ZNF37A: variants seen among roughly 807,000 people sequenced by gnomAD.
ZNF37A encodes zinc finger protein 37a (KOX 21).
Under a neutral mutation model 12.3 loss-of-function variants are expected in ZNF37A, and 10 were observed. That is an observed-to-expected ratio of 0.82 (90% CI 0.50 to 1.38). The LOEUF (loss-of-function observed/expected upper bound fraction) is 1.38. Ranked by LOEUF, ZNF37A falls within the 40% of genes most tolerant of loss-of-function variation. ZNF37A has a pLI of 0.00. For missense variants in ZNF37A, 580 were observed against 651.2 expected (o/e 0.89, Z 1.19); for synonymous variants, 207 against 223.0 (o/e 0.93, Z 0.64).
intron 5 of ZNF37A, among the ~76,000 whole-genome samples, chr10:38,106,444 A>G (rs761403740): frequency 6.6e-6 from 1 of 152,080 alleles, no homozygotes; most frequent in Non-Finnish European, 1.5e-5. Context: ...TTCTCCTCCA[A>G]CACACTCCTC....
downstream of ZNF37A, among the ~76,000 whole-genome samples, chr10:38,125,876 A>T (rs188187940): frequency 2.8e-4 from 43 of 152,258 alleles, no homozygotes; most frequent in Non-Finnish European, 4.4e-4. Flanking sequence ...TGTTGCTGGG[A>T]TCTACTTGGC....
Position 38,115,222 on chromosome 10 carries a change from TTCTC to T in ZNF37A, c.171_174del (p.Leu58SerfsTer11). ...TATTGCATTCCTAAACCAGAAGTGATTCTCAAGTTGGAGAAAGGCGAGGAGCCAT... is the reference window on the plus strand; with the variant it reads ...TATTGCATTCCTAAACCAGAAGTGATAAGTTGGAGAAAGGCGAGGAGCCAT... On this transcript the variant is annotated frameshift_variant, in exon 7 of 8. Transcript: ENST00000685332. LOFTEE classifies it high-confidence loss of function. 1 of 1,613,778 alleles carries T rather than the reference TTCTC, an allele frequency of 6.2e-7. No homozygotes were observed. Among genetic ancestry groups the T allele is most frequent in the Non-Finnish European group, 8.5e-7 (1 of 1,179,958 alleles).
chr10:38,118,430 A>G lies in ZNF37A; in HGVS notation c.1279A>G (p.Thr427Ala). Reference sequence around the variant, plus strand: ...GTCATTCTCTGAGAAGTCAACCCTTACTAAACATCTAAGAACTCACACAGG... The same window carrying G: ...GTCATTCTCTGAGAAGTCAACCCTTGCTAAACATCTAAGAACTCACACAGG... Reference protein sequence around the residue: ...GKSFSEKSTLTKHLRTHTGEK... With the variant: ...GKSFSEKSTLAKHLRTHTGEK... The change falls in exon 8 of 8, where the codon ACT becomes GCT. Residue 427 changes from threonine (T) to alanine (A), a missense_variant. Transcript: ENST00000685332. 2 of 1,614,048 alleles carry G rather than the reference A, an allele frequency of 1.2e-6. No individual in the cohort carries two copies. The highest frequency in any genetic ancestry group is 2.2e-5 in the East Asian group (1 of 44,868).
At chr10:38,105,625 A>G (rs1328536819) in intron 5 of ZNF37A, among the ~76,000 whole-genome samples, 3 of 152,240 alleles carry the variant, frequency 2.0e-5, no homozygotes, top group Non-Finnish European at 4.4e-5. Context: ...TCATGAAGGC[A>G]GAGCTTCCTA....
At position 38,123,234 on chromosome 10, in the gene ZNF37A, A is replaced by T. The variant is rs1021990031; in HGVS notation, c.*4397A>T. 1 of 152,168 alleles carries T rather than the reference A, an allele frequency of 6.6e-6. No homozygotes were observed. Among genetic ancestry groups the T allele is most frequent in the African/African-American group, 2.4e-5 (1 of 41,428 alleles). 9.4% of individuals were successfully genotyped at this position (152,168 alleles called of 1,614,324 possible). ...TACCCATTTACCCTGATGTGTTTAT[A>T]CACATTTCATACCTGTATTAAAATA... On this transcript the variant is annotated 3_prime_UTR_variant, in exon 8 of 8. Coordinates refer to ENST00000685332, the MANE Select transcript of ZNF37A (RefSeq NM_001324250.3).
chr10:38,095,859 A>G (rs1185135393), intron 4 of ZNF37A, 55 bp downstream of exon 4: 1 of 152,170 alleles, frequency 6.6e-6, no homozygotes, highest in Admixed American at 6.6e-5. Flanking sequence ...GAGAACCTCA[A>G]ATCAAGTTAG....
rs1194121731 is a variant in ZNF37A at position 38,117,858 on chromosome 10, C to A, written c.707C>A (p.Thr236Asn). Residue 236 changes from threonine to asparagine, a missense_variant, in exon 8 of 8, where the codon ACC (threonine) becomes AAC (asparagine). Physicochemically the swap from Thr to Asn is moderately conservative, Grantham distance 65 (BLOSUM62 0). Coordinates refer to ENST00000685332, the MANE Select transcript of ZNF37A (RefSeq NM_001324250.3). ...QKLNLTPIQR[T>N]HSINNIIEYN... ...TTAAATCTCACTCCAATTCAGAGAA[C>A]CCACTCAATTAACAATATTATTGAA... 19 of 1,614,016 alleles carry A rather than the reference C, an allele frequency of 1.2e-5. No individual in the cohort carries two copies. In the Middle Eastern group the frequency reaches 5.0e-4, roughly 42 times the overall value.
downstream of ZNF37A, among the ~76,000 whole-genome samples, chr10:38,127,555 T>C (rs1176105516): frequency 2.0e-5 from 3 of 152,172 alleles, no homozygotes; most frequent in South Asian, 4.1e-4. Context: ...CTAAGTGCAC[T>C]ACTGGTATAT....
chr10:38,115,114 T>TGTAC lies in ZNF37A; in HGVS notation c.143-80_143-77dup, dbSNP rs1554780625. ...GTGTGTGTGTGTGTGTGTGTGTGTG[T>TGTAC]GTACTGTTTGGGGTATACTGTCTTC... On this transcript the variant is annotated intron_variant, in intron 6 of 7. Transcript: ENST00000685332. 2.1e-4 allele frequency: 226 copies of TGTAC among 1,094,924 alleles called. 6 individuals carry two copies. The East Asian group carries it at 4.5e-3, about 22-fold the overall frequency. The allele number at this position is 1,094,924 out of a possible 1,614,324, so 67.8% of individuals were successfully genotyped here.
chr10:38,147,520 A>G (rs1366750174), exon 8 of ZNF37A: 2 of 152,214 alleles, frequency 1.3e-5, no homozygotes, highest in African/African-American at 2.4e-5. Flanking sequence ...TATTCAGAGT[A>G]TCCTAAAAAT....
At chr10:38,128,515 A>C (rs566860521), downstream of ZNF37A, among the ~76,000 whole-genome samples, 1 of 152,230 alleles carries the variant, frequency 6.6e-6, no homozygotes, top group African/African-American at 2.4e-5. Context: ...CCCTGTTAAA[A>C]AGTTTGAGTT....
chr10:38,117,474 A>G lies in ZNF37A; in HGVS notation c.323A>G (p.His108Arg), dbSNP rs758743775. The part of the protein sequence containing the change: ...KGGKCFCDEK[H>R]EIIHSEEEPS... ...GGAAAATGTTTCTGTGATGAAAAGC[A>G]TGAAATAATTCATTCTGAAGAGGAA... is the stretch of plus-strand genomic sequence containing the variant. Residue 108 changes from histidine (H) to arginine (R), a missense_variant, in exon 8 of 8, where the codon CAT (histidine) becomes CGT (arginine). Coordinates refer to ENST00000685332, the MANE Select transcript of ZNF37A (RefSeq NM_001324250.3). 6.8e-6 allele frequency: 11 copies of G among 1,611,244 alleles called. No homozygotes were observed. Among genetic ancestry groups the G allele is most frequent in the Non-Finnish European group, 9.3e-6 (11 of 1,179,360 alleles).
At chr10:38,111,338 T>G (rs176878) in intron 5 of ZNF37A, among the ~76,000 whole-genome samples, 72,557 of 150,838 alleles carry the variant, frequency 0.48, 17,623 homozygotes, top group East Asian at 0.54. Context: ...GTCAGGGGGT[T>G]GGGGGCTAGG....
At chr10:38,115,315 AT>A (rs769789732) in intron 7 of ZNF37A, 25 bp downstream of exon 7, 5 of 1,608,448 alleles carry the variant, frequency 3.1e-6, no homozygotes, top group Middle Eastern at 1.7e-4. Context: ...GCCAGATGGA[AT>A]TTAAAGGAAG....
intron 7 of ZNF37A, chr10:38,144,116 C>T (rs576811878): frequency 2.6e-5 from 4 of 152,294 alleles, no homozygotes; most frequent in South Asian, 2.1e-4. Context: ...GAAACCTCTT[C>T]GAGGTATAGA....
chr10:38,096,465 G>A (rs891554550), intron 4 of ZNF37A, 109 bp from the exon 5 acceptor site: 1 of 703,450 alleles, frequency 1.4e-6, no homozygotes, highest in African/African-American at 1.8e-5. Context: ...AATCATGCCA[G>A]AGTCATGCAT....
At chr10:38,106,900 G>A (rs1250867682) in intron 5 of ZNF37A, among the ~76,000 whole-genome samples, 3 of 152,074 alleles carry the variant, frequency 2.0e-5, no homozygotes, top group East Asian at 1.9e-4. Context: ...TGAAAGTGAC[G>A]GGGACAATGG....
At chr10:38,129,845 C>T (rs533825249), downstream of ZNF37A, among the ~76,000 whole-genome samples, 31 of 152,236 alleles carry the variant, frequency 2.0e-4, no homozygotes, top group African/African-American at 6.7e-4. Context: ...TTGTTCCATC[C>T]TGATTTCAAA....
At position 38,118,749 on chromosome 10, in the gene ZNF37A, A is replaced by G. The variant is rs746407949; in HGVS notation, c.1598A>G (p.Tyr533Cys). 5 of 1,613,600 alleles carry G rather than the reference A, an allele frequency of 3.1e-6. No individual in the cohort carries two copies. The highest frequency in any genetic ancestry group is 4.5e-5 in the East Asian group (2 of 44,840). The change falls in exon 8 of 8, where the codon TAT becomes TGT. Residue 533 changes from tyrosine to cysteine, a missense_variant. Coordinates refer to ENST00000685332, the MANE Select transcript of ZNF37A (RefSeq NM_001324250.3). ...TGTAATGTTTGTGGAAAATCATTCT[A>G]TGTTAAGTCAAAACTAACTGTACAT... ...YECNVCGKSFYVKSKLTVHQR... is the reference protein window; with the variant it reads ...YECNVCGKSFCVKSKLTVHQR...
Sources: allele counts gnomAD v4.1 joint callset (sites outside exome capture counted in the v4.1 genomes callset), GRCh38; gene constraint gnomAD v4.1.1; transcripts MANE v1.5; gene names NCBI Gene and HGNC (gene_info 2026-07-23, HGNC 2026-07-21).